MTSS1: variants seen among roughly 807,000 people sequenced by gnomAD.
MTSS1 encodes the protein MTSS I-BAR domain containing 1, also known as protein MTSS 1.
In MTSS1, 18 loss-of-function variants were observed where a neutral mutation model predicts 79.0. That is an observed-to-expected ratio of 0.23 (90% CI 0.16 to 0.34). The LOEUF is 0.34. MTSS1 is among the 10% of genes least tolerant of loss of function. MTSS1 has a pLI of 1.00. For missense variants in MTSS1, 815 were observed against 986.2 expected (o/e 0.83, Z 2.33); for synonymous variants, 341 against 368.6 (o/e 0.93, Z 0.86).
Position 124,556,195 on chromosome 8 carries a change from G to A in MTSS1, c.1404+37C>T, listed in dbSNP as rs2131771273. 1.9e-6 allele frequency: 3 copies of A among 1,613,896 alleles called. No individual in the cohort carries two copies. In the South Asian group the frequency reaches 3.3e-5, roughly 18 times the overall value. On this transcript the variant is annotated intron_variant, in intron 12 of 13. Coordinates refer to ENST00000518547, the MANE Select transcript of MTSS1 (RefSeq NM_014751.6). ...AGAATGTGATCCCCAGCCAGGCTGA[G>A]GTGGCCCCAACCAGCTACTGAGAAC...
chr8:124,561,352 A>G (rs1268498999), intron 10 of MTSS1, among the ~76,000 whole-genome samples: 1 of 152,176 alleles, frequency 6.6e-6, no homozygotes, highest in Admixed American at 6.5e-5. Flanking sequence ...CAGGAGGTGG[A>G]GGTTACAGTG....
chr8:124,567,207 A>G (rs775674444), intron 7 of MTSS1, 29 bp from the exon 8 acceptor site: 5 of 1,495,140 alleles, frequency 3.3e-6, no homozygotes, highest in East Asian at 4.5e-5. Flanking sequence ...ATGAAATGTT[A>G]TTATCATGAG....
intron 8 of MTSS1, 96 bp downstream of exon 8, chr8:124,566,975 C>T: frequency 2.2e-6 from 2 of 928,466 alleles, no homozygotes; most frequent in South Asian, 1.5e-5. Context: ...AATATGACTA[C>T]AATTTAAGAC....
At chr8:124,558,750 G>A (rs779674465) in intron 10 of MTSS1, 10 of 1,582,348 alleles carry the variant, frequency 6.3e-6, no homozygotes, top group South Asian at 2.3e-5. Context: ...GGTGGAGCCC[G>A]AGCTGACAGA....
At chr8:124,678,109 C>T (rs560896469) in intron 3 of MTSS1, among the ~76,000 whole-genome samples, 1 of 152,154 alleles carries the variant, frequency 6.6e-6, no homozygotes, top group Non-Finnish European at 1.5e-5. Context: ...GAGACTGATC[C>T]CTCCCAAACC....
intron 10 of MTSS1, among the ~76,000 whole-genome samples, chr8:124,560,890 C>T (rs949653996): frequency 6.6e-5 from 10 of 152,194 alleles, no homozygotes; most frequent in Non-Finnish European, 1.5e-4. Flanking sequence ...TTCCATCACT[C>T]GGCTTTCATC....
intron 5 of MTSS1, among the ~76,000 whole-genome samples, chr8:124,586,070 G>C (rs912798129): frequency 6.6e-6 from 1 of 152,122 alleles, no homozygotes; most frequent in Non-Finnish European, 1.5e-5. Context: ...TGGCCCATTC[G>C]CAGACTGCCC....
intron 3 of MTSS1, among the ~76,000 whole-genome samples, chr8:124,646,344 T>TCTCTTGGTAAATAAATGACTC (rs1219181961): frequency 2.0e-5 from 3 of 152,204 alleles, no homozygotes; most frequent in African/African-American, 7.2e-5. Flanking sequence ...CTAATCAGCA[T>TCTCTTGGTAAATAAATGACTC]CTCTTGGTAA....
At chr8:124,564,374 G>A (rs549873987) in intron 9 of MTSS1, among the ~76,000 whole-genome samples, 3 of 152,216 alleles carry the variant, frequency 2.0e-5, no homozygotes, top group Admixed American at 1.3e-4. Context: ...CAAGGGCCGC[G>A]TGACTGTTCT....
chr8:124,641,271 C>T (rs1332315286), intron 3 of MTSS1, among the ~76,000 whole-genome samples: 1 of 152,180 alleles, frequency 6.6e-6, no homozygotes, highest in Non-Finnish European at 1.5e-5. Context: ...CTCCAGACCC[C>T]CCAATCCCCA....
intron 3 of MTSS1, among the ~76,000 whole-genome samples, chr8:124,613,052 A>C (rs1273582625): frequency 1.3e-5 from 2 of 152,186 alleles, no homozygotes; most frequent in African/African-American, 4.8e-5. Context: ...GTATGCATCT[A>C]TACCTAGGCT....
chr8:124,582,489 T>C lies in MTSS1; in HGVS notation c.460+2598A>G, dbSNP rs1240464335. Among the ~76,000 whole-genome samples, 1 of 150,772 alleles carries C rather than the reference T, an allele frequency of 6.6e-6. No individual in the cohort carries two copies. The highest frequency in any genetic ancestry group is 1.5e-5 in the Non-Finnish European group (1 of 67,730). ...GGCACTTGAAATGCTAAAAGGAGAG[T>C]CCAGAGAATTTTTAGATCAAAGATC... On this transcript the variant is annotated intron_variant, in intron 6 of 13. Transcript: ENST00000518547. This position sits in a 1 kb window ranked among gnomAD's most constrained non-coding sequence, Gnocchi z 4.8.
Position 124,624,767 on chromosome 8 carries a change from A to G in MTSS1, c.209-33532T>C, listed in dbSNP as rs575153682. Among the ~76,000 whole-genome samples, 3 of 152,354 alleles carry G rather than the reference A, an allele frequency of 2.0e-5. No individual in the cohort carries two copies. In the South Asian group the frequency reaches 6.2e-4, roughly 32 times the overall value. The stretch of plus-strand genomic sequence containing the variant: ...CAACCACCAGACGGCTGGAAATGCG[A>G]AACTGAAGCTGACTCAAAGAGGTGG... On this transcript the variant is annotated intron_variant, in intron 3 of 13. Transcript: ENST00000518547.
At chr8:124,657,262 T>G (rs780969961) in intron 3 of MTSS1, among the ~76,000 whole-genome samples, 2 of 152,060 alleles carry the variant, frequency 1.3e-5, no homozygotes, top group East Asian at 3.9e-4. Flanking sequence ...GGGGTTGGGC[T>G]GGGGGGCAAC....
chr8:124,633,916 C>T (rs1467164140), intron 3 of MTSS1, among the ~76,000 whole-genome samples: 2 of 152,020 alleles, frequency 1.3e-5, no homozygotes, highest in Non-Finnish European at 1.5e-5. Flanking sequence ...ACTGAGAGAA[C>T]AGGTAGAATT....
intron 3 of MTSS1, among the ~76,000 whole-genome samples, chr8:124,619,841 C>T (rs181449238): frequency 4.8e-4 from 73 of 152,348 alleles, no homozygotes; most frequent in Non-Finnish European, 8.5e-4. Flanking sequence ...GACGCTCTGT[C>T]GTCCTGGCAG....
chr8:124,605,823 T>C (rs1306835931), intron 3 of MTSS1, among the ~76,000 whole-genome samples: 1 of 152,200 alleles, frequency 6.6e-6, no homozygotes, highest in Non-Finnish European at 1.5e-5. Context: ...GAGGTAATCT[T>C]GCAGTTTTTC....
intron 3 of MTSS1, among the ~76,000 whole-genome samples, chr8:124,638,614 C>T (rs1817465420): frequency 6.6e-6 from 1 of 152,218 alleles, no homozygotes; most frequent in African/African-American, 2.4e-5. Context: ...ATTCTTGGAG[C>T]TACTCAGTTC....
At chr8:124,677,498 T>G (rs987634322) in intron 3 of MTSS1, among the ~76,000 whole-genome samples, 1 of 152,230 alleles carries the variant, frequency 6.6e-6, no homozygotes, top group African/African-American at 2.4e-5. Flanking sequence ...ACTCTTACAT[T>G]TGAAATTCAT....
Sources: gnomAD v4.1 joint callset for allele counts (sites outside exome capture counted in the v4.1 genomes callset) on GRCh38, gnomAD v4.1.1 for gene constraint, Gnocchi (gnomAD v3.1) non-coding constraint, MANE v1.5 for transcripts, NCBI Gene and HGNC (gene_info 2026-07-23, HGNC 2026-07-21) for gene names.